Variants in NIPAL3 observed in about 807,000 individuals in gnomAD.
NIPAL3 encodes the protein NIPA-like protein 3.
A neutral mutation model predicts 47.2 loss-of-function variants in NIPAL3; 41 were observed. The observed-to-expected ratio is 0.87, with a 90% CI of 0.68 to 1.13. NIPAL3 has a LOEUF of 1.13. NIPAL3 is among the 50% of genes most tolerant of loss of function. NIPAL3 has a pLI of 0.00. For synonymous variants in NIPAL3, 194 were observed against 209.6 expected (o/e 0.93, Z 0.64); for missense variants, 449 against 530.1 (o/e 0.85, Z 1.50).
At chr1:24,456,060 G>A (rs1646184079) in intron 7 of NIPAL3, 78 bp from the exon 8 acceptor site, 1 of 1,559,244 alleles carries the variant, frequency 6.4e-7, no homozygotes, top group African/African-American at 1.4e-5. Flanking sequence ...AGTCCTTTGG[G>A]GTTATAGACT....
At chr1:24,438,020 C>T (rs987761741) in intron 2 of NIPAL3, among the ~76,000 whole-genome samples, 3 of 152,176 alleles carry the variant, frequency 2.0e-5, no homozygotes, top group Non-Finnish European at 4.4e-5. Context: ...GAGAAACTCC[C>T]CTGAGAGCCT....
intron 2 of NIPAL3, among the ~76,000 whole-genome samples, chr1:24,436,838 T>C (rs1298350769): frequency 6.6e-6 from 1 of 152,144 alleles, no homozygotes; most frequent in Non-Finnish European, 1.5e-5. Flanking sequence ...GTTTTAGTTG[T>C]ACATAGCAGG....
At position 24,460,555 on chromosome 1, in the gene NIPAL3, T is replaced by C; in HGVS notation, c.926+11T>C. 6.4e-7 allele frequency: 1 copy of C among 1,552,158 alleles called. No homozygotes were observed. The highest frequency in any genetic ancestry group is 8.6e-7 in the Non-Finnish European group (1 of 1,157,074). On this transcript the variant is annotated intron_variant, in intron 10 of 11. Transcript: ENST00000374399. ...CATGTTTGCACTGGGGTGAGTTCTG[T>C]CCTGCTTGCCAGCCCCAAAACATTG...
intron 2 of NIPAL3, among the ~76,000 whole-genome samples, chr1:24,426,889 G>A (rs572178832): frequency 6.6e-6 from 1 of 152,190 alleles, no homozygotes; most frequent in Non-Finnish European, 1.5e-5. Context: ...AGCCACCCAA[G>A]ACAGTTCTCA....
intron 6 of NIPAL3, among the ~76,000 whole-genome samples, chr1:24,452,396 G>A (rs565008036): frequency 6.6e-6 from 1 of 152,304 alleles, no homozygotes; most frequent in East Asian, 1.9e-4. Flanking sequence ...TACCTGCTTC[G>A]TAGAGTTATT....
rs202117908 is a variant in NIPAL3, at chr1:24,469,005, T to C, written c.1041T>C (p.Asp347=). The change falls in exon 12 of 12, where the codon GAT becomes GAC. Residue 347 remains aspartate (D), a synonymous_variant. Coordinates refer to ENST00000374399, the MANE Select transcript of NIPAL3 (RefSeq NM_020448.5). ...TTTCAGGTATGCAGAACATGCACGA[T>C]AAAGGGATGACTGTCCAGCCTGAAC... ...DAMPGMQNMH[D]KGMTVQPELK... The C allele has an allele frequency of 1.4e-4, 233 of 1,614,174 alleles. 1 individual carries two copies. The East Asian group carries it at 2.5e-3, about 17-fold the overall frequency.
chr1:24,456,944 G>T (rs917131376), intron 8 of NIPAL3, among the ~76,000 whole-genome samples: 1 of 152,116 alleles, frequency 6.6e-6, no homozygotes, highest in African/African-American at 2.4e-5. Flanking sequence ...TGTATTTTTA[G>T]TAGAGACGAG....
chr1:24,419,440 C>A lies in NIPAL3; in HGVS notation c.-108C>A. 1 of 1,378,500 alleles carries A rather than the reference C, an allele frequency of 7.3e-7. No individual in the cohort carries two copies. Among genetic ancestry groups the A allele is most frequent in the Non-Finnish European group, 9.4e-7 (1 of 1,061,976 alleles). The allele number at this position is 1,378,500 out of a possible 1,614,324, so 85.4% of individuals were successfully genotyped here. ...TTTTGTCATGAGGAAGTGACGGCTG[C>A]TGGAGGGAGGTGAACACCACAAGGA... On this transcript the variant is annotated 5_prime_UTR_variant, in exon 2 of 12. In the 5' UTR this introduces an upstream ATG that the reference lacks. Coordinates refer to ENST00000374399, the MANE Select transcript of NIPAL3 (RefSeq NM_020448.5).
intron 10 of NIPAL3, among the ~76,000 whole-genome samples, chr1:24,461,783 C>T (rs1375426225): frequency 6.6e-6 from 1 of 151,748 alleles, no homozygotes; most frequent in Admixed American, 6.6e-5. Context: ...GCAGGAGAAT[C>T]ACTTGAACCT....
intron 2 of NIPAL3, among the ~76,000 whole-genome samples, chr1:24,436,432 C>T (rs1013796126): frequency 3.3e-5 from 5 of 151,874 alleles, no homozygotes; most frequent in Admixed American, 6.6e-5. Flanking sequence ...TTCCTGGGGT[C>T]CCAACTTTTC....
Position 24,469,053 on chromosome 1 carries a change from G to A in NIPAL3, c.1089G>A (p.Gly363=), listed in dbSNP as rs778404587. 1 of 1,614,058 alleles carries A rather than the reference G, an allele frequency of 6.2e-7. No individual in the cohort carries two copies. The highest frequency in any genetic ancestry group is 2.2e-5 in the East Asian group (1 of 44,890). ...AACTTAAAGCTTCTTTTTCCTATGG[G>A]GCTCTGGAAAACAATGACAACATTT... ...QPELKASFSY[G]ALENNDNISE... Residue 363 remains glycine, a synonymous_variant, in exon 12 of 12, where the codon GGG becomes GGA. Coordinates refer to ENST00000374399, the MANE Select transcript of NIPAL3 (RefSeq NM_020448.5).
At chr1:24,457,138 C>T (rs764708432) in intron 8 of NIPAL3, among the ~76,000 whole-genome samples, 8 of 152,104 alleles carry the variant, frequency 5.3e-5, no homozygotes, top group Non-Finnish European at 1.0e-4. Flanking sequence ...TCAGGGGCCT[C>T]GGAAGCATGG....
chr1:24,418,941 C>G (rs569548796), intron 1 of NIPAL3, among the ~76,000 whole-genome samples: 1 of 144,570 alleles, frequency 6.9e-6, no homozygotes, highest in Admixed American at 6.9e-5. Flanking sequence ...TTTTTTGAGA[C>G]CTGGAGAAGT....
intron 2 of NIPAL3, among the ~76,000 whole-genome samples, chr1:24,434,416 AC>A (rs1328409798): frequency 1.3e-5 from 2 of 152,292 alleles, no homozygotes; most frequent in Non-Finnish European, 2.9e-5. Flanking sequence ...AAATAAATGC[AC>A]CTACACAGCC....
rs1645599644 is a variant in NIPAL3 at position 24,445,207 on chromosome 1, A to G, written c.357A>G (p.Ile119Met). ...SVIASAIIGI[I>M]FIKEKWKPKD... ...CAGCTAGTGCCATCATAGGAATCAT[A>G]TTCATCAAGGAAAAGTGGAAACCGA... Residue 119 changes from isoleucine (I) to methionine (M), a missense_variant, in exon 5 of 12, where the codon ATA (isoleucine) becomes ATG (methionine). Physicochemically the swap from Ile to Met is conservative, Grantham distance 10. Coordinates refer to ENST00000374399, the MANE Select transcript of NIPAL3 (RefSeq NM_020448.5). 1.2e-6 allele frequency: 2 copies of G among 1,612,414 alleles called. No homozygotes were observed. The highest frequency in any genetic ancestry group is 1.3e-5 in the African/African-American group (1 of 74,906).
rs145151234 is a variant in NIPAL3, at chr1:24,462,558, G to A, written c.927-1468G>A. On this transcript the variant is annotated intron_variant, in intron 10 of 11. Coordinates refer to ENST00000374399, the MANE Select transcript of NIPAL3 (RefSeq NM_020448.5). ...AAGGCGGGAGGATCACTTGAGGTCA[G>A]GAGTTCGAGACCAGCCTGACCACAG... Among the ~76,000 whole-genome samples the A allele has an allele frequency of 2.4e-3, 361 of 152,260 alleles. 3 individuals carry two copies. Among genetic ancestry groups the A allele is most frequent in the African/African-American group, 8.4e-3 (350 of 41,538 alleles).
intron 9 of NIPAL3, 98 bp downstream of exon 9, chr1:24,459,074 G>A (rs1018324641): frequency 3.0e-5 from 31 of 1,033,298 alleles, no homozygotes; most frequent in Middle Eastern, 2.6e-4. Flanking sequence ...TGTTCTCCCC[G>A]TAGAGTGATT....
chr1:24,454,209 TATAGCTAA>T lies in NIPAL3; in HGVS notation c.637+710_637+717del, dbSNP rs1646084229. Reference sequence around the variant, plus strand: ...ACCTGGCTAGAACTGCATATAATTTTATAGCTAAATAGAGCTGTGGGGAATCCATCCTT... The same window carrying T: ...ACCTGGCTAGAACTGCATATAATTTTATAGAGCTGTGGGGAATCCATCCTT... On this transcript the variant is annotated intron_variant, in intron 7 of 11. Coordinates refer to ENST00000374399, the MANE Select transcript of NIPAL3 (RefSeq NM_020448.5). The surrounding 1 kb of genome is among the most constrained non-coding windows in gnomAD (Gnocchi z 4.1). 2.5e-6 allele frequency: 3 copies of T among 1,193,294 alleles called. No individual in the cohort carries two copies. The highest frequency in any genetic ancestry group is 3.2e-6 in the Non-Finnish European group (3 of 946,788). 73.9% of individuals were successfully genotyped at this position (1,193,294 alleles called of 1,614,324 possible). A position where few individuals can be genotyped will look rare whatever the true frequency, so the allele number is the denominator to read the frequency against.
intron 2 of NIPAL3, among the ~76,000 whole-genome samples, chr1:24,439,257 T>C (rs936363034): frequency 3.3e-5 from 5 of 152,134 alleles, no homozygotes; most frequent in Admixed American, 2.6e-4. Flanking sequence ...AGCAATGATA[T>C]AAAATATGGC....
Sources: allele counts gnomAD v4.1 joint callset (sites outside exome capture counted in the v4.1 genomes callset), GRCh38; gene constraint gnomAD v4.1.1; non-coding constraint Gnocchi (gnomAD v3.1); transcripts MANE v1.5; gene names NCBI Gene and HGNC (gene_info 2026-07-23, HGNC 2026-07-21).